The following SLCO1A2 variants were observed in gnomAD, a reference collection of about 807,000 sequenced individuals.
The protein encoded by SLCO1A2 is OATP-1.
SLCO1A2 carries 67 observed loss-of-function variants against 69.0 expected under a neutral mutation model. The ratio of observed to expected loss-of-function variants is 0.97; its 90% CI spans 0.80 to 1.19. SLCO1A2 has a LOEUF of 1.19. Among genes scored for constraint, SLCO1A2 ranks in the 50% most tolerant of loss-of-function variants. SLCO1A2 has a pLI of 0.00. For synonymous variants in SLCO1A2, 260 were observed against 265.9 expected (o/e 0.98, Z 0.22); for missense variants, 787 against 793.7 (o/e 0.99, Z 0.10).
chr12:21,385,581 G>A (rs936104713), intron 1 of SLCO1A2, among the ~76,000 whole-genome samples: 13 of 152,084 alleles, frequency 8.5e-5, no homozygotes, highest in Admixed American at 4.6e-4. Context: ...AAAGCAAAAC[G>A]GAAAAAGAGC....
At chr12:21,327,084 C>G (rs1227575974) in intron 2 of SLCO1A2, among the ~76,000 whole-genome samples, 1 of 152,138 alleles carries the variant, frequency 6.6e-6, no homozygotes, top group Non-Finnish European at 1.5e-5. Flanking sequence ...AGTCTTTGGA[C>G]TTGGTGCTCT....
chr12:21,346,599 C>T (rs959016468), intron 2 of SLCO1A2, among the ~76,000 whole-genome samples: 1 of 151,912 alleles, frequency 6.6e-6, no homozygotes, highest in Admixed American at 6.6e-5. Context: ...CCTGGCATAG[C>T]CACCTTCCCA....
intron 14 of SLCO1A2, chr12:21,274,214 A>G (rs1309334795): frequency 1.1e-5 from 4 of 358,098 alleles, no homozygotes; most frequent in Non-Finnish European, 2.1e-5. Flanking sequence ...ACTGCTAAGA[A>G]TTTAACGAAC....
At chr12:21,294,779 A>G (rs1043002618) in intron 10 of SLCO1A2, 2 of 152,230 alleles carry the variant, frequency 1.3e-5, no homozygotes, top group African/African-American at 4.8e-5. Flanking sequence ...AACTGCTTTT[A>G]TCATTAAATT....
intron 10 of SLCO1A2, 145 bp downstream of exon 10, chr12:21,295,452 A>G: frequency 3.2e-6 from 2 of 617,126 alleles, no homozygotes; most frequent in Non-Finnish European, 2.8e-6. Flanking sequence ...GGCTTGATTG[A>G]CAGATGGAGG....
chr12:21,359,746 T>TAAA (rs35529364), intron 2 of SLCO1A2, among the ~76,000 whole-genome samples: 3 of 140,198 alleles, frequency 2.1e-5, no homozygotes, highest in African/African-American at 7.9e-5. Context: ...GACTCCGTCT[T>TAAA]AAAAAAAAAA....
intron 6 of SLCO1A2, among the ~76,000 whole-genome samples, chr12:21,301,526 T>G (rs1273987113): frequency 6.7e-6 from 1 of 149,414 alleles, no homozygotes; most frequent in Non-Finnish European, 1.5e-5. Context: ...GGTAGAGATT[T>G]GCTGTAACAG....
chr12:21,277,202 C>T (rs1856827796), intron 12 of SLCO1A2, among the ~76,000 whole-genome samples: 1 of 151,956 alleles, frequency 6.6e-6, no homozygotes, highest in Non-Finnish European at 1.5e-5. Context: ...GTGATACCAG[C>T]TCAGCCACAG....
intron 1 of SLCO1A2, among the ~76,000 whole-genome samples, chr12:21,384,821 G>A (rs1313390106): frequency 1.3e-5 from 2 of 149,056 alleles, no homozygotes; most frequent in Non-Finnish European, 3.0e-5. Flanking sequence ...GCTGGAGAGC[G>A]GTGGCGCGAT....
intron 5 of SLCO1A2, among the ~76,000 whole-genome samples, chr12:21,304,969 C>T (rs1388596697): frequency 2.6e-5 from 4 of 152,196 alleles, no homozygotes; most frequent in Admixed American, 2.6e-4. Flanking sequence ...AGTGCTTCCC[C>T]ATTCCTACCC....
At chr12:21,278,498 G>A (rs1046005171) in intron 12 of SLCO1A2, among the ~76,000 whole-genome samples, 8 of 152,128 alleles carry the variant, frequency 5.3e-5, no homozygotes, top group African/African-American at 1.7e-4. Context: ...GGCCACAGGG[G>A]TGCATCACCC....
At chr12:21,352,706 T>C (rs774386572) in intron 2 of SLCO1A2, among the ~76,000 whole-genome samples, 27 of 152,248 alleles carry the variant, frequency 1.8e-4, no homozygotes, top group Non-Finnish European at 1.0e-4. Context: ...GCCAAAAGCA[T>C]AATGCGAGAA....
intron 12 of SLCO1A2, among the ~76,000 whole-genome samples, chr12:21,275,828 G>C (rs573896165): frequency 6.6e-6 from 1 of 152,124 alleles, no homozygotes; most frequent in Admixed American, 6.6e-5. Flanking sequence ...TGTAATCCCA[G>C]CTACCTGGGA....
At chr12:21,400,166 A>T (rs543291291), upstream of SLCO1A2, among the ~76,000 whole-genome samples, 430 of 152,340 alleles carry the variant, frequency 2.8e-3, 3 homozygotes, top group African/African-American at 9.3e-3. Flanking sequence ...CAATGGGCTC[A>T]AACAAATTTA....
At chr12:21,375,301 G>A (rs940985510) in intron 1 of SLCO1A2, among the ~76,000 whole-genome samples, 2 of 152,262 alleles carry the variant, frequency 1.3e-5, no homozygotes, top group East Asian at 1.9e-4. Flanking sequence ...TGCCTGAAAT[G>A]AGTATGTTTG....
At chr12:21,385,961 T>C (rs1162870034) in intron 1 of SLCO1A2, among the ~76,000 whole-genome samples, 1 of 152,118 alleles carries the variant, frequency 6.6e-6, no homozygotes, top group Non-Finnish European at 1.5e-5. Flanking sequence ...GCCCTTGGAG[T>C]ACCCAGATAT....
intron 3 of SLCO1A2, among the ~76,000 whole-genome samples, chr12:21,315,528 G>T (rs1429853705): frequency 2.6e-5 from 4 of 152,152 alleles, no homozygotes; most frequent in African/African-American, 9.7e-5. Flanking sequence ...CCTCTGCAAT[G>T]ACTCAAGATT....
At chr12:21,281,449 CAAAA>C (rs979517497) in intron 12 of SLCO1A2, among the ~76,000 whole-genome samples, 3 of 118,136 alleles carry the variant, frequency 2.5e-5, no homozygotes, top group Admixed American at 1.8e-4. Context: ...GACTCCGTCT[CAAAA>C]AAAAAAGAAA....
rs1943626202 is a variant in SLCO1A2 at position 21,275,343 on chromosome 12, A to AAAAT, written c.1675+13_1675+16dup. The AAAAT allele has an allele frequency of 6.5e-7, 1 of 1,544,356 alleles. No individual in the cohort carries two copies. Among genetic ancestry groups the AAAAT allele is most frequent in the Admixed American group, 1.7e-5 (1 of 57,198 alleles). ...ATATTGTTCTGATAGGATGTGGGAA[A>AAAAT]AAATAACTATTTTTACCAAATACTC... On this transcript the variant is annotated intron_variant, in intron 13 of 14. Transcript: ENST00000683939.
Sources: allele counts gnomAD v4.1 joint callset (sites outside exome capture counted in the v4.1 genomes callset), GRCh38; gene constraint gnomAD v4.1.1; transcripts MANE v1.5; gene names NCBI Gene and HGNC (gene_info 2026-07-23, HGNC 2026-07-21).